Variants in TMEM232 observed in about 807,000 individuals in gnomAD.
TMEM232 encodes the protein transmembrane protein 232.
In TMEM232, 80 loss-of-function variants were observed where a neutral mutation model predicts 78.8. That is an observed-to-expected ratio of 1.01 (90% CI 0.85 to 1.22). The LOEUF (loss-of-function observed/expected upper bound fraction) is 1.22, where lower values mean the gene tolerates loss of function less well. TMEM232 is among the 50% of genes most tolerant of loss of function. The probability of loss-of-function intolerance (pLI) is 0.00; values close to 1 mark genes in which losing one functional copy is unlikely to be tolerated. For missense variants in TMEM232, 881 were observed against 742.2 expected, an observed-to-expected ratio of 1.19 and a Z score of -2.17; for synonymous variants, 297 against 254.3, an observed-to-expected ratio of 1.17 and a Z score of -1.60.
chr5:110,391,326 T>TGTGAGAGAGAGAGAGAGAGAGAGAGAGA (rs549361387), intron 3 of TMEM232, among the ~76,000 whole-genome samples: 1 of 139,806 alleles, frequency 7.2e-6, no homozygotes, highest in African/African-American at 2.9e-5. Flanking sequence ...TGTGTGTGTG[T>TGTGAGAGAGAGAGAGAGAGAGAGAGAGA]GAGAGAGAGA....
intron 10 of TMEM232, among the ~76,000 whole-genome samples, chr5:110,580,899 G>T (rs1055751132): frequency 5.9e-5 from 9 of 151,576 alleles, no homozygotes; most frequent in Admixed American, 4.6e-4. Flanking sequence ...AATCAAGAAT[G>T]CAATCCCATT....
At chr5:110,598,459 C>G (rs1780464802) in intron 10 of TMEM232, among the ~76,000 whole-genome samples, 1 of 152,084 alleles carries the variant, frequency 6.6e-6, no homozygotes, top group Non-Finnish European at 1.5e-5. Flanking sequence ...GTGGCGATTC[C>G]TCAGGGATCT....
At chr5:110,622,654 G>A (rs1179446015) in intron 7 of TMEM232, among the ~76,000 whole-genome samples, 18 of 152,048 alleles carry the variant, frequency 1.2e-4, no homozygotes, top group Non-Finnish European at 1.6e-4. Flanking sequence ...ATAAACATAC[G>A]TGTGCATGTG....
chr5:110,529,821 C>T (rs184743989), intron 11 of TMEM232, among the ~76,000 whole-genome samples: 39 of 152,154 alleles, frequency 2.6e-4, no homozygotes, highest in Admixed American at 1.8e-3. Flanking sequence ...TTTTCTCTGG[C>T]AGGAATCAGC....
chr5:110,489,987 G>A lies in TMEM232; in HGVS notation c.1703+38601C>T, dbSNP rs535930363. On this transcript the variant is annotated intron_variant, in intron 12 of 13. Coordinates refer to ENST00000455884, the MANE Select transcript of TMEM232 (RefSeq NM_001039763.4). Reference sequence around the variant, plus strand: ...AAAAATAGAAAAATTAGCTGGGTGTGGTGGCGCGTGCCTATAGTCTCAGCT... The same window carrying A: ...AAAAATAGAAAAATTAGCTGGGTGTAGTGGCGCGTGCCTATAGTCTCAGCT... 2.0e-5 allele frequency among the ~76,000 whole-genome samples: 3 copies of A among 151,998 alleles called. No homozygotes were observed. In the East Asian group the frequency reaches 5.8e-4, roughly 30 times the overall value.
At chr5:110,422,300 G>A (rs555955713) in intron 13 of TMEM232, among the ~76,000 whole-genome samples, 3 of 151,840 alleles carry the variant, frequency 2.0e-5, no homozygotes, top group Non-Finnish European at 4.4e-5. Flanking sequence ...CGGATCACGA[G>A]GTCAGGAGAT....
chr5:110,419,328 T>C (rs1023974260), downstream of TMEM232, among the ~76,000 whole-genome samples: 1 of 152,104 alleles, frequency 6.6e-6, no homozygotes, highest in Admixed American at 6.6e-5. Flanking sequence ...GAATTAGCTA[T>C]ACAGGAAATC....
intron 2 of TMEM232, among the ~76,000 whole-genome samples, chr5:110,653,788 T>A (rs756492353): frequency 6.6e-6 from 1 of 152,084 alleles, no homozygotes; most frequent in Non-Finnish European, 1.5e-5. Flanking sequence ...ATTCTGGGCA[T>A]AGAGAGGATG....
intron 12 of TMEM232, among the ~76,000 whole-genome samples, chr5:110,505,941 A>G (rs1413702991): frequency 6.6e-6 from 1 of 152,206 alleles, no homozygotes; most frequent in Non-Finnish European, 1.5e-5. Context: ...AAGTATGAAA[A>G]GTGAAGGAAC....
rs189552595 is a variant in TMEM232, at chr5:110,394,233, C to G, written n.390+3540G>C. Among the ~76,000 whole-genome samples, 72 of 152,210 alleles carry G rather than the reference C, an allele frequency of 4.7e-4. 2 individuals are homozygous for G. The highest frequency in any genetic ancestry group is 3.4e-3 in the Admixed American group (52 of 15,286). ...GTCTTTCTGTGTTTGGCTTATTTCACTTAACATAATAACCTCCAATTGCAT... is the reference window on the plus strand; with the variant it reads ...GTCTTTCTGTGTTTGGCTTATTTCAGTTAACATAATAACCTCCAATTGCAT... On this transcript the variant is annotated intron_variant and non_coding_transcript_variant, in intron 3 of 8. Transcript: ENST00000507188.
chr5:110,644,316 A>G (rs753893124), intron 2 of TMEM232, among the ~76,000 whole-genome samples: 3 of 151,912 alleles, frequency 2.0e-5, no homozygotes, highest in Non-Finnish European at 4.4e-5. Flanking sequence ...TCTCATTTGT[A>G]TGAAGAGTTT....
chr5:110,685,525 T>C (rs1276998837), intron 1 of TMEM232, among the ~76,000 whole-genome samples: 4 of 152,118 alleles, frequency 2.6e-5, no homozygotes, highest in Admixed American at 6.6e-5. Context: ...CTGAGGAATA[T>C]AGAACAATGA....
Position 110,448,530 on chromosome 5 carries a change from G to T in TMEM232, c.1704-23614C>A, listed in dbSNP as rs575442793. 3.8e-3 allele frequency among the ~76,000 whole-genome samples: 572 copies of T among 151,768 alleles called. 5 individuals carry two copies. The highest frequency in any genetic ancestry group is 4.8e-3 in the Non-Finnish European group (323 of 67,816). ...CAGTCTAAATGATTGTTTTAAATTT[G>T]GTTACAAAATTGAATAAAAACAGAA... On this transcript the variant is annotated intron_variant, in intron 12 of 13. Coordinates refer to ENST00000455884, the MANE Select transcript of TMEM232 (RefSeq NM_001039763.4).
rs181198146 is a variant in TMEM232 at position 110,687,624 on chromosome 5, T to G, written c.-12-20260A>C. Among the ~76,000 whole-genome samples, 5 of 152,228 alleles carry G rather than the reference T, an allele frequency of 3.3e-5. No individual in the cohort carries two copies. In the South Asian group the frequency reaches 1.0e-3, roughly 32 times the overall value. ...GTATATGCTTTATATTTATATCTAT[T>G]GTTTTGGGAAAAAAAGGTAGTTTTG... On this transcript the variant is annotated intron_variant, in intron 1 of 13. Transcript: ENST00000455884.
chr5:110,572,074 AAG>A (rs1474418256), intron 10 of TMEM232, among the ~76,000 whole-genome samples: 1 of 152,026 alleles, frequency 6.6e-6, no homozygotes, highest in African/African-American at 2.4e-5. Flanking sequence ...GCTATGGGGA[AAG>A]AGTCAGAAAT....
At chr5:110,647,782 G>T (rs1787712151) in intron 2 of TMEM232, among the ~76,000 whole-genome samples, 2 of 151,884 alleles carry the variant, frequency 1.3e-5, no homozygotes, top group African/African-American at 4.8e-5. Context: ...AACCAATGCA[G>T]TAATAGTAAT....
At chr5:110,666,032 T>C (rs1790540013) in intron 2 of TMEM232, among the ~76,000 whole-genome samples, 1 of 152,042 alleles carries the variant, frequency 6.6e-6, no homozygotes, top group South Asian at 2.1e-4. Flanking sequence ...AAGGTTATAA[T>C]AAGCTATAAT....
intron 10 of TMEM232, among the ~76,000 whole-genome samples, chr5:110,588,969 G>A (rs989002436): frequency 1.3e-5 from 2 of 151,976 alleles, no homozygotes; most frequent in Non-Finnish European, 2.9e-5. Context: ...TCATTTCCAA[G>A]TTTTATTATT....
At chr5:110,533,935 C>T (rs1334168282) in intron 11 of TMEM232, among the ~76,000 whole-genome samples, 1 of 152,150 alleles carries the variant, frequency 6.6e-6, no homozygotes, top group East Asian at 1.9e-4. Flanking sequence ...GAAATCTATC[C>T]TCAAAGATAT....
Sources: gnomAD v4.1 joint callset for allele counts (sites outside exome capture counted in the v4.1 genomes callset) on GRCh38, gnomAD v4.1.1 for gene constraint, MANE v1.5 for transcripts, NCBI Gene and HGNC (gene_info 2026-07-23, HGNC 2026-07-21) for gene names.